The following PLA2G4C variants were observed in gnomAD, a reference collection of about 807,000 sequenced individuals.
The protein encoded by PLA2G4C is cytosolic phospholipase A2 gamma.
PLA2G4C carries 64 observed loss-of-function variants against 73.8 expected under a neutral mutation model. The observed-to-expected ratio is 0.87, with a 90% CI of 0.71 to 1.07. The LOEUF is 1.07. Among genes scored for constraint, PLA2G4C ranks in the 50% least tolerant of loss-of-function variants. PLA2G4C has a pLI of 0.00. For synonymous variants in PLA2G4C, 254 were observed against 252.1 expected, an observed-to-expected ratio of 1.01 and a Z score of -0.07; for missense variants, 622 against 665.4, an observed-to-expected ratio of 0.93 and a Z score of 0.72.
intron 13 of PLA2G4C, among the ~76,000 whole-genome samples, chr19:48,065,793 T>A (rs1968392090): frequency 6.6e-6 from 1 of 151,962 alleles, no homozygotes; most frequent in African/African-American, 2.4e-5. Flanking sequence ...AGAATGTAAA[T>A]GTTTCTTATC....
At chr19:48,098,818 C>A (rs2031750915) in intron 5 of PLA2G4C, among the ~76,000 whole-genome samples, 1 of 140,252 alleles carries the variant, frequency 7.1e-6, no homozygotes, top group Admixed American at 7.5e-5. Flanking sequence ...GAGAGGATTG[C>A]TTGAGCCCAG....
At chr19:48,064,353 C>A (rs370943183) in intron 13 of PLA2G4C, among the ~76,000 whole-genome samples, 2 of 149,750 alleles carry the variant, frequency 1.3e-5, no homozygotes, top group Non-Finnish European at 3.0e-5. Context: ...CGCTTGAACC[C>A]GGGAGGCGGA....
At chr19:48,057,994 A>G (rs1000399919) in intron 14 of PLA2G4C, among the ~76,000 whole-genome samples, 2 of 144,156 alleles carry the variant, frequency 1.4e-5, no homozygotes, top group Non-Finnish European at 1.6e-5. Flanking sequence ...CACCATGCCC[A>G]GCTAATCAAA....
intron 4 of PLA2G4C, among the ~76,000 whole-genome samples, chr19:48,103,251 T>G (rs1313696790): frequency 6.6e-6 from 1 of 152,100 alleles, no homozygotes; most frequent in African/African-American, 2.4e-5. Context: ...TAGCGCCCCC[T>G]GGAGTTCTGC....
rs527845444 is a variant in PLA2G4C, at chr19:48,053,135, G to T, written c.1442C>A (p.Ala481Glu). Residue 481 changes from alanine to glutamate, a missense_variant, in exon 16 of 17, where the codon GCA becomes GAA. By Grantham distance (107) the Ala-to-Glu change is moderately radical. Transcript: ENST00000599921. ...NIDACGGDIE[A>E]WSDTYDTFKL... ...GAATGTGTCGTATGTGTCACTCCATGCCTCAATATCACCTGAAGCATAACC... is the reference window on the plus strand; with the variant it reads ...GAATGTGTCGTATGTGTCACTCCATTCCTCAATATCACCTGAAGCATAACC... 3.8e-6 allele frequency: 6 copies of T among 1,593,872 alleles called. No individual in the cohort carries two copies. The African/African-American group carries it at 6.7e-5, about 18-fold the overall frequency.
intron 13 of PLA2G4C, among the ~76,000 whole-genome samples, chr19:48,062,710 T>G (rs763682790): frequency 6.6e-6 from 1 of 152,112 alleles, no homozygotes; most frequent in Non-Finnish European, 1.5e-5. Flanking sequence ...AAAGAGGTAA[T>G]TAAGGTAAAA....
chr19:48,070,705 G>T (rs1004260858), intron 12 of PLA2G4C, among the ~76,000 whole-genome samples: 2 of 152,006 alleles, frequency 1.3e-5, no homozygotes, highest in Non-Finnish European at 2.9e-5. Context: ...AGAATATATG[G>T]ACACAGGGAG....
At chr19:48,093,763 A>ATC (rs1354257471) in intron 7 of PLA2G4C, among the ~76,000 whole-genome samples, 3 of 152,156 alleles carry the variant, frequency 2.0e-5, no homozygotes, top group Non-Finnish European at 4.4e-5. Context: ...TCGAGTTGTA[A>ATC]TCCCCAGATG....
chr19:48,059,707 G>A (rs907707558), intron 14 of PLA2G4C, among the ~76,000 whole-genome samples: 4 of 151,372 alleles, frequency 2.6e-5, no homozygotes, highest in East Asian at 1.9e-4. Context: ...CCAGTGGCTC[G>A]CCAGGGGCTC....
chr19:48,110,459 A>G, intron 1 of PLA2G4C, 28 bp downstream of exon 1: 1 of 1,398,494 alleles, frequency 7.2e-7, no homozygotes. Flanking sequence ...AGCGGGATGA[A>G]ACAGCCCTCC....
At chr19:48,100,603 T>TCA (rs1568452658) in intron 4 of PLA2G4C, among the ~76,000 whole-genome samples, 7 of 40,658 alleles carry the variant, frequency 1.7e-4, no homozygotes, top group East Asian at 8.4e-4. Flanking sequence ...TGACTCCATC[T>TCA]AAAAAAAAAA....
intron 4 of PLA2G4C, among the ~76,000 whole-genome samples, chr19:48,100,648 G>A (rs745795060): frequency 3.0e-5 from 4 of 131,624 alleles, no homozygotes; most frequent in East Asian, 2.6e-4. Context: ...GGTGGCTTAC[G>A]CCTGTGATCC....
chr19:48,058,327 G>A (rs1054031811), intron 14 of PLA2G4C, among the ~76,000 whole-genome samples: 2 of 151,566 alleles, frequency 1.3e-5, no homozygotes, highest in African/African-American at 4.8e-5. Context: ...GTGTGGAGAT[G>A]GGGTCTTGCT....
intron 13 of PLA2G4C, among the ~76,000 whole-genome samples, chr19:48,065,279 G>GA (rs1015619574): frequency 2.1e-5 from 3 of 139,846 alleles, no homozygotes; most frequent in Non-Finnish European, 4.5e-5. Context: ...GGAGGGGTCG[G>GA]GGGGGGGCTT....
At chr19:48,048,652 A>G (rs1396293340) in intron 16 of PLA2G4C, among the ~76,000 whole-genome samples, 2 of 152,036 alleles carry the variant, frequency 1.3e-5, no homozygotes, top group Non-Finnish European at 2.9e-5. Flanking sequence ...CTAGGAGGTA[A>G]CTCTTTGGCC....
At chr19:48,074,571 A>G (rs2030005358) in intron 12 of PLA2G4C, 196 bp downstream of exon 12, 1 of 588,442 alleles carries the variant, frequency 1.7e-6, no homozygotes, top group South Asian at 1.9e-5. Context: ...TGTCTCCTAC[A>G]ATGGTTGAAC....
At chr19:48,098,281 CAG>C (rs1274593531) in intron 5 of PLA2G4C, 22 bp from the exon 6 acceptor site, 3 of 1,600,836 alleles carry the variant, frequency 1.9e-6, no homozygotes, top group Non-Finnish European at 2.6e-6. Context: ...GGTGCCAAGA[CAG>C]TGTGAGGGAG....
At chr19:48,062,627 A>C (rs1470890871) in intron 13 of PLA2G4C, among the ~76,000 whole-genome samples, 1 of 152,036 alleles carries the variant, frequency 6.6e-6, no homozygotes, top group Non-Finnish European at 1.5e-5. Flanking sequence ...TAAACAAATA[A>C]ACAGACAAAC....
chr19:48,101,968 C>T (rs2031945141), intron 4 of PLA2G4C, among the ~76,000 whole-genome samples: 1 of 151,868 alleles, frequency 6.6e-6, no homozygotes, highest in East Asian at 1.9e-4. Context: ...AGCCACTGCC[C>T]CGGGCCTCCT....
Sources: gnomAD v4.1 joint callset for allele counts (sites outside exome capture counted in the v4.1 genomes callset) on GRCh38, gnomAD v4.1.1 for gene constraint, MANE v1.5 for transcripts, NCBI Gene and HGNC (gene_info 2026-07-23, HGNC 2026-07-21) for gene names.